AFAP1: variants seen among roughly 807,000 people sequenced by gnomAD.
AFAP1 encodes actin filament-associated protein 1.
In AFAP1, 75 loss-of-function variants were observed where a neutral mutation model predicts 93.9. That is an observed-to-expected ratio of 0.80 (90% CI 0.66 to 0.97). The LOEUF (loss-of-function observed/expected upper bound fraction) is 0.97, where lower values mean the gene tolerates loss of function less well. Among genes scored for constraint, AFAP1 ranks in the 50% least tolerant of loss-of-function variants. AFAP1 has a pLI of 0.00. For synonymous variants in AFAP1, 517 were observed against 430.7 expected (o/e 1.20, Z -2.48); for missense variants, 1,201 against 1,050.8 (o/e 1.14, Z -1.98).
intron 1 of AFAP1, among the ~76,000 whole-genome samples, chr4:7,909,180 A>G (rs907123869): frequency 4.6e-5 from 7 of 152,172 alleles, no homozygotes; most frequent in Non-Finnish European, 7.3e-5. Context: ...ACTATGTGTT[A>G]GGCACCAAAC....
intron 1 of AFAP1, among the ~76,000 whole-genome samples, chr4:7,913,803 A>C (rs757013607): frequency 1.3e-5 from 2 of 152,228 alleles, no homozygotes; most frequent in Non-Finnish European, 2.9e-5. Context: ...AGTTTAGTTA[A>C]AATAAATGCC....
Position 7,812,160 on chromosome 4 carries a change from C to T in AFAP1, c.905-2397G>A, listed in dbSNP as rs59213180. 6.4e-4 allele frequency among the ~76,000 whole-genome samples: 98 copies of T among 152,202 alleles called. 2 individuals carry two copies. In the East Asian group the frequency reaches 0.017, roughly 26 times the overall value. On this transcript the variant is annotated intron_variant, in intron 8 of 17. Coordinates refer to ENST00000420658, the MANE Select transcript of AFAP1 (RefSeq NM_001134647.2). ...CCCCTCCCAGCTGTTTCTGAAGACC[C>T]AGAGGAGGATGTTTCACCACAGCCG...
At chr4:7,869,493 A>G (rs943145621) in intron 2 of AFAP1, among the ~76,000 whole-genome samples, 2 of 152,256 alleles carry the variant, frequency 1.3e-5, no homozygotes, top group Admixed American at 1.3e-4. Context: ...TATGGAAGAC[A>G]TGACTGATAC....
At chr4:7,831,451 T>G (rs978047200) in intron 6 of AFAP1, among the ~76,000 whole-genome samples, 1 of 152,014 alleles carries the variant, frequency 6.6e-6, no homozygotes, top group Non-Finnish European at 1.5e-5. Context: ...GAGTCATCAT[T>G]CTATAATTAG....
chr4:7,893,090 C>CA lies in AFAP1; in HGVS notation c.-2-21011_-2-21010insT, dbSNP rs35713661. Among the ~76,000 whole-genome samples the CA allele has an allele frequency of 5.9e-3, 892 of 152,004 alleles. 6 individuals carry two copies. Among genetic ancestry groups the CA allele is most frequent in the African/African-American group, 0.019 (777 of 41,466 alleles). On this transcript the variant is annotated intron_variant, in intron 1 of 17. Transcript: ENST00000420658. ...AAGGGATTTTTACCAGCCCCGGTGC[C>CA]GGGGGGGCAGAAACCACCCCGTTTC...
intron 1 of AFAP1, among the ~76,000 whole-genome samples, chr4:7,907,318 C>A (rs1456004318): frequency 6.6e-6 from 1 of 152,170 alleles, no homozygotes; most frequent in Non-Finnish European, 1.5e-5. Flanking sequence ...CAAAACTAGG[C>A]TGCAACGTCC....
chr4:7,933,042 G>GT (rs1202424902), intron 1 of AFAP1, among the ~76,000 whole-genome samples: 1 of 140,734 alleles, frequency 7.1e-6, no homozygotes, highest in Non-Finnish European at 1.5e-5. Context: ...AAAAAAAAAG[G>GT]GGGGGGATCT....
At chr4:7,776,608 TATC>T (rs1330894911) in intron 14 of AFAP1, 2 of 152,120 alleles carry the variant, frequency 1.3e-5, no homozygotes, top group African/African-American at 4.8e-5. Context: ...CAACGTAAGT[TATC>T]ATGATTTCAA....
intron 12 of AFAP1, 27 bp downstream of exon 12, chr4:7,786,167 C>A (rs1399148847): frequency 6.9e-6 from 11 of 1,599,034 alleles, no homozygotes; most frequent in South Asian, 1.1e-5. Context: ...ACAAAACCAA[C>A]CATTACTCCA....
At chr4:7,892,691 A>T (rs952001367) in intron 1 of AFAP1, among the ~76,000 whole-genome samples, 16 of 152,118 alleles carry the variant, frequency 1.1e-4, no homozygotes, top group Admixed American at 7.2e-4. Context: ...GGTGCCTAGA[A>T]CACGAACCCC....
intron 1 of AFAP1, among the ~76,000 whole-genome samples, chr4:7,908,095 C>T (rs1353014034): frequency 6.6e-6 from 1 of 152,064 alleles, no homozygotes; most frequent in Admixed American, 6.5e-5. Flanking sequence ...ACCTGTTATC[C>T]CAGCTACTCA....
chr4:7,917,899 G>A (rs933935524), intron 1 of AFAP1, among the ~76,000 whole-genome samples: 56 of 152,264 alleles, frequency 3.7e-4, no homozygotes, highest in South Asian at 8.3e-4. Flanking sequence ...ACTCAGCACC[G>A]CAAAGAGACC....
At position 7,816,146 on chromosome 4, in the gene AFAP1, C is replaced by T. The variant is rs145968186; in HGVS notation, c.823-47G>A. 34 of 1,517,046 alleles carry T rather than the reference C, an allele frequency of 2.2e-5. No individual in the cohort carries two copies. The African/African-American group carries it at 3.9e-4, about 17-fold the overall frequency. The allele number at this position is 1,517,046 out of a possible 1,614,324, so 94.0% of individuals were successfully genotyped here. On this transcript the variant is annotated intron_variant, in intron 7 of 17. Transcript: ENST00000420658. ...GTTATTCTTACAGTGGTCACTTGGA[C>T]CCAGTGATGTGTGATGGATCAACCA...
intron 4 of AFAP1, 111 bp from the exon 5 acceptor site, chr4:7,843,461 A>T: frequency 1.0e-6 from 1 of 1,000,624 alleles, no homozygotes; most frequent in South Asian, 1.8e-5. Flanking sequence ...TGAATGAGAA[A>T]GGGACCTCTG....
rs537518075 is a variant in AFAP1 at position 7,855,394 on chromosome 4, G to C, written c.334+72C>G. The C allele has an allele frequency of 6.4e-6, 8 of 1,247,466 alleles. No homozygotes were observed. The East Asian group carries it at 1.9e-4, about 29-fold the overall frequency. The allele number at this position is 1,247,466 out of a possible 1,614,324, so 77.3% of individuals were successfully genotyped here. On this transcript the variant is annotated intron_variant, in intron 4 of 17. Transcript: ENST00000420658. ...AATACCCTGTTGCCCTTCCTACCCA[G>C]AAAGGGGACAGGCTCTGCAACAGTC...
At chr4:7,782,583 A>G (rs906719787) in intron 12 of AFAP1, among the ~76,000 whole-genome samples, 4 of 152,368 alleles carry the variant, frequency 2.6e-5, no homozygotes, top group East Asian at 1.9e-4. Context: ...CATGGGTATT[A>G]AAGTATTAAC....
intron 1 of AFAP1, among the ~76,000 whole-genome samples, chr4:7,918,818 C>T (rs546418821): frequency 7.2e-4 from 88 of 121,512 alleles, no homozygotes; most frequent in Middle Eastern, 8.1e-3. Context: ...AAGAGACACT[C>T]GGCCCAGGTC....
At chr4:7,766,327 A>C (rs982691766) in intron 17 of AFAP1, among the ~76,000 whole-genome samples, 1 of 152,214 alleles carries the variant, frequency 6.6e-6, no homozygotes, top group African/African-American at 2.4e-5. Context: ...GCTCAAGGGC[A>C]GTCCTCTGTT....
At position 7,843,661 on chromosome 4, in the gene AFAP1, C is replaced by T. The variant is rs1264902322; in HGVS notation, c.335-311G>A. The T allele has an allele frequency of 2.1e-5, 6 of 289,562 alleles. No homozygotes were observed. The East Asian group carries it at 3.5e-4, about 17-fold the overall frequency. The allele number at this position is 289,562 out of a possible 1,614,324, so 17.9% of individuals were successfully genotyped here. A position where few individuals can be genotyped will look rare whatever the true frequency, so the allele number is the denominator to read the frequency against. On this transcript the variant is annotated intron_variant, in intron 4 of 17. Coordinates refer to ENST00000420658, the MANE Select transcript of AFAP1 (RefSeq NM_001134647.2). Reference sequence around the variant, plus strand: ...GACTCCTCACCACATTCTTGCAGGACGAGCGCCATCCTCATTCTGCAGAGT... The same window carrying T: ...GACTCCTCACCACATTCTTGCAGGATGAGCGCCATCCTCATTCTGCAGAGT...
Sources: gnomAD v4.1 joint callset for allele counts (sites outside exome capture counted in the v4.1 genomes callset) on GRCh38, gnomAD v4.1.1 for gene constraint, MANE v1.5 for transcripts, NCBI Gene and HGNC (gene_info 2026-07-23, HGNC 2026-07-21) for gene names.